The following ACACB variants were observed in gnomAD, a reference collection of about 807,000 sequenced individuals.
The protein encoded by ACACB is acetyl-CoA carboxylase 2.
A neutral mutation model predicts 278.8 loss-of-function variants in ACACB; 209 were observed. That is an observed-to-expected ratio of 0.75 (90% confidence interval 0.67 to 0.84). The LOEUF (loss-of-function observed/expected upper bound fraction) is 0.84. Ranked by LOEUF, ACACB falls within the 40% of genes least tolerant of loss-of-function variation. ACACB has a pLI of 0.00. For synonymous variants in ACACB, 1,174 were observed against 1,285.6 expected (o/e 0.91, Z 1.86); for missense variants, 2,850 against 3,269.0 (o/e 0.87, Z 3.13).
intron 21 of ACACB, among the ~76,000 whole-genome samples, chr12:109,210,502 T>A (rs2045801439): frequency 6.7e-6 from 1 of 148,854 alleles, no homozygotes; most frequent in Admixed American, 6.7e-5. Flanking sequence ...TACATGTATG[T>A]GTATATACGC....
At chr12:109,245,097 A>G (rs1260559451) in intron 37 of ACACB, among the ~76,000 whole-genome samples, 2 of 152,036 alleles carry the variant, frequency 1.3e-5, no homozygotes, top group African/African-American at 4.8e-5. Flanking sequence ...AGGCAGGAGA[A>G]TCACTGAATC....
At chr12:109,117,236 T>C (rs1465775298) in intron 1 of ACACB, among the ~76,000 whole-genome samples, 1 of 151,112 alleles carries the variant, frequency 6.6e-6, no homozygotes, top group Non-Finnish European at 1.5e-5. Context: ...GATGGGCACC[T>C]GTAATCCCAG....
At chr12:109,230,978 C>A (rs887306075) in intron 28 of ACACB, among the ~76,000 whole-genome samples, 3 of 152,152 alleles carry the variant, frequency 2.0e-5, no homozygotes, top group Non-Finnish European at 4.4e-5. Context: ...GTGAAGAGAC[C>A]TTGCCTGCGG....
At chr12:109,150,978 C>CTTTTTTTTTT (rs2043356275) in intron 2 of ACACB, among the ~76,000 whole-genome samples, 1 of 129,430 alleles carries the variant, frequency 7.7e-6, no homozygotes, top group Non-Finnish European at 1.6e-5. Context: ...TTTCTTTTTT[C>CTTTTTTTTTT]TTTCTTTTTT....
intron 4 of ACACB, among the ~76,000 whole-genome samples, chr12:109,168,693 G>A (rs1160707788): frequency 2.0e-5 from 3 of 152,048 alleles, no homozygotes; most frequent in East Asian, 1.9e-4. Context: ...ATAGTGGCAC[G>A]CACCTGTAGT....
In ACACB at chr12:109,194,522, G is replaced by GTGCA. The variant is rs1457078324; in HGVS notation, c.2481+795_2481+796insCATG. On this transcript the variant is annotated intron_variant, in intron 16 of 52. Transcript: ENST00000338432. The stretch of plus-strand genomic sequence containing the variant: ...TGCCTCTGTGTGTGCATGTGTGTGT[G>GTGCA]TGTGTGTGTGTGTGTGTGTGTGTGT... Among the ~76,000 whole-genome samples the GTGCA allele has an allele frequency of 6.6e-4, 50 of 75,934 alleles. No homozygotes were observed. In the Admixed American group the frequency reaches 7.1e-3, roughly 11 times the overall value. The allele number at this position is 75,934 out of a possible 152,430, so 49.8% of individuals were successfully genotyped here.
chr12:109,215,556 G>C (rs1323274018), intron 22 of ACACB, among the ~76,000 whole-genome samples: 1 of 152,066 alleles, frequency 6.6e-6, no homozygotes, highest in East Asian at 1.9e-4. Context: ...GAGGTCAGGA[G>C]ATCGAGACCA....
chr12:109,227,297 G>A (rs941476378), intron 27 of ACACB, 74 bp from the exon 28 acceptor site: 39 of 1,320,078 alleles, frequency 3.0e-5, no homozygotes, highest in African/African-American at 8.7e-5. Context: ...CCTGTTCCCC[G>A]TGAGTGCCCT....
intron 10 of ACACB, among the ~76,000 whole-genome samples, chr12:109,179,696 G>T (rs962286733): frequency 3.9e-5 from 6 of 152,102 alleles, no homozygotes; most frequent in Admixed American, 2.0e-4. Context: ...TTGCTATGTT[G>T]CCCAGGCTGG....
intron 9 of ACACB, 77 bp from the exon 10 acceptor site, chr12:109,179,011 T>G: frequency 7.2e-7 from 1 of 1,386,102 alleles, no homozygotes; most frequent in South Asian, 1.2e-5. Context: ...TTGTTTTATG[T>G]TCTCTCCTGA....
Position 109,149,151 on chromosome 12 carries a change from G to A in ACACB, c.653+9093G>A, listed in dbSNP as rs1021457381. On this transcript the variant is annotated intron_variant, in intron 2 of 52. Coordinates refer to ENST00000338432, the MANE Select transcript of ACACB (RefSeq NM_001093.4). The stretch of plus-strand genomic sequence containing the variant: ...TGTGAAATCAGTCAACGAACTGCTA[G>A]TATTAGTGTCACTGCCTAACCTTCC... Among the ~76,000 whole-genome samples, 17 of 152,166 alleles carry A rather than the reference G, an allele frequency of 1.1e-4. 1 individual carries two copies.
intron 1 of ACACB, among the ~76,000 whole-genome samples, chr12:109,120,571 A>G (rs985617760): frequency 3.3e-5 from 5 of 151,726 alleles, no homozygotes; most frequent in South Asian, 2.1e-4. Context: ...GTGTGTGTGT[A>G]TGTGTGTGTG....
Position 109,194,512 on chromosome 12 carries a change from ATGTGTGTG to A in ACACB, c.2481+813_2481+820del, listed in dbSNP as rs370227666. Among the ~76,000 whole-genome samples, 32 of 88,820 alleles carry A rather than the reference ATGTGTGTG, an allele frequency of 3.6e-4. 1 individual carries two copies. Among genetic ancestry groups the A allele is most frequent in the African/African-American group, 1.1e-3 (26 of 23,386 alleles). 58.3% of individuals were successfully genotyped at this position (88,820 alleles called of 152,430 possible). On this transcript the variant is annotated intron_variant, in intron 16 of 52. Transcript: ENST00000338432. ...CCCCAACCTCTGCCTCTGTGTGTGCATGTGTGTGTGTGTGTGTGTGTGTGTGTGTGTGT... is the reference window on the plus strand; with the variant it reads ...CCCCAACCTCTGCCTCTGTGTGTGCATGTGTGTGTGTGTGTGTGTGTGTGT...
At chr12:109,154,509 T>G (rs533814741) in intron 2 of ACACB, among the ~76,000 whole-genome samples, 229 of 152,078 alleles carry the variant, frequency 1.5e-3, no homozygotes, top group African/African-American at 5.4e-3. Context: ...AATATATATC[T>G]CCGCAGCTCA....
chr12:109,214,430 A>T (rs750251307), intron 22 of ACACB, among the ~76,000 whole-genome samples: 2 of 152,148 alleles, frequency 1.3e-5, no homozygotes, highest in Admixed American at 6.6e-5. Flanking sequence ...TTTAGTGTGG[A>T]TTCCCCACAA....
At chr12:109,262,973 TA>T (rs1418140874) in intron 49 of ACACB, 1 of 132,112 alleles carries the variant, frequency 7.6e-6, no homozygotes, top group East Asian at 2.1e-4. Flanking sequence ...TATATATATA[TA>T]TATATATATT....
In ACACB at chr12:109,209,231, C is replaced by T. The variant is rs893134672; in HGVS notation, c.3127C>T (p.Gln1043Ter). ...RHPSLPLLELQEIMTSVAGRI... is the reference protein window; with the variant it reads ...RHPSLPLLEL The stretch of plus-strand genomic sequence containing the variant: ...CCCGTCACTGCCGCTGCTGGAGCTG[C>T]AGGAGATCATGACCAGCGTGGCAGG... The change falls in exon 21 of 53, where the codon CAG becomes TAG. Residue 1043 changes from glutamine to a stop codon, truncating the protein, a stop_gained. Transcript: ENST00000338432. LOFTEE classifies it high-confidence loss of function. The T allele has an allele frequency of 1.2e-6, 2 of 1,611,102 alleles. No homozygotes were observed. Among genetic ancestry groups the T allele is most frequent in the Non-Finnish European group, 1.7e-6 (2 of 1,179,392 alleles).
Position 109,235,337 on chromosome 12 carries a change from C to T in ACACB, c.4372C>T (p.Leu1458Phe). Residue 1458 changes from leucine to phenylalanine, a missense_variant, in exon 32 of 53, where the codon CTC (leucine) becomes TTC (phenylalanine). Physicochemically the swap from Leu to Phe is conservative, Grantham distance 22. Around this residue, in one of 3 missense-constraint regions of ACACB, gnomAD observed 2,265 missense variants for 2,561.3 expected, o/e 0.88. Transcript: ENST00000338432. ...GAAAAATATCCTTGTGGATTATGGA[C>T]TCCGACGAATCACATTCTTGATTGC... ...SKKNILVDYG[L>F]RRITFLIAQE... 1 of 1,614,094 alleles carries T rather than the reference C, an allele frequency of 6.2e-7. No homozygotes were observed. The highest frequency in any genetic ancestry group is 1.1e-5 in the South Asian group (1 of 91,082).
Position 109,209,937 on chromosome 12 carries a change from A to ACACACG in ACACB, c.3249+584_3249+585insCACACG, listed in dbSNP as rs2045652981. On this transcript the variant is annotated intron_variant, in intron 21 of 52. Transcript: ENST00000338432. Reference sequence around the variant, plus strand: ...CGTGTGTATATATGTGTATACACACATACACACACGTGTGTGTATATATGT... The same window carrying ACACACG: ...CGTGTGTATATATGTGTATACACACACACACGTACACACACGTGTGTGTATATATGT... Among the ~76,000 whole-genome samples the ACACACG allele has an allele frequency of 5.2e-5, 4 of 77,176 alleles. 1 individual carries two copies. The highest frequency in any genetic ancestry group is 5.6e-5 in the Non-Finnish European group (2 of 35,676). The allele number at this position is 77,176 out of a possible 152,430, so 50.6% of individuals were successfully genotyped here.
Sources: gnomAD v4.1 joint callset for allele counts (sites outside exome capture counted in the v4.1 genomes callset) on GRCh38, gnomAD v4.1.1 for gene constraint, gnomAD v4.1.1 regional missense constraint, MANE v1.5 for transcripts, NCBI Gene and HGNC (gene_info 2026-07-23, HGNC 2026-07-21) for gene names.